Variants in PLPPR4 observed in about 807,000 individuals in gnomAD.
PLPPR4 encodes phospholipid phosphatase-related protein type 4.
Under a neutral mutation model 56.6 loss-of-function variants are expected in PLPPR4, and 24 were observed. The observed-to-expected ratio is 0.42, with a 90% CI of 0.31 to 0.60. The LOEUF is 0.60. Among genes scored for constraint, PLPPR4 ranks in the 20% least tolerant of loss-of-function variants. The probability of loss-of-function intolerance (pLI) is 0.13; values close to 1 mark genes in which losing one functional copy is unlikely to be tolerated. For missense variants in PLPPR4, 654 were observed against 885.8 expected (o/e 0.74, Z 3.32); for synonymous variants, 326 against 328.1 (o/e 0.99, Z 0.07).
At chr1:99,268,808 T>C (rs532235797) in intron 1 of PLPPR4, among the ~76,000 whole-genome samples, 12 of 152,290 alleles carry the variant, frequency 7.9e-5, no homozygotes, top group African/African-American at 2.6e-4. Flanking sequence ...AATGTTCCAC[T>C]AGAGAAAAGG....
In PLPPR4 at chr1:99,285,919, T is replaced by C. The variant is rs1398343939; in HGVS notation, c.79-2046T>C. 2.0e-5 allele frequency among the ~76,000 whole-genome samples: 3 copies of C among 152,218 alleles called. 1 individual carries two copies. The highest frequency in any genetic ancestry group is 4.4e-5 in the Non-Finnish European group (3 of 68,030). ...TAGGTTAAGCATGTGTGATATTTTC[T>C]CTTTAGCTGAGAGCAGGTCTCTCAC... On this transcript the variant is annotated intron_variant, in intron 1 of 6. Coordinates refer to ENST00000370185, the MANE Select transcript of PLPPR4 (RefSeq NM_014839.5).
At chr1:99,274,805 G>A (rs1659141384) in intron 1 of PLPPR4, among the ~76,000 whole-genome samples, 1 of 152,068 alleles carries the variant, frequency 6.6e-6, no homozygotes, top group South Asian at 2.1e-4. Flanking sequence ...GTAAGCCACT[G>A]CCATTCTTAT....
At chr1:99,296,891 A>T (rs769635326) in intron 3 of PLPPR4, 24 bp downstream of exon 3, 1 of 1,511,916 alleles carries the variant, frequency 6.6e-7, no homozygotes, top group Admixed American at 2.1e-5. Flanking sequence ...ACCACAAAGA[A>T]AAGAAATGCT....
At chr1:99,283,156 G>C (rs1164119158) in intron 1 of PLPPR4, among the ~76,000 whole-genome samples, 1 of 151,978 alleles carries the variant, frequency 6.6e-6, no homozygotes, top group Non-Finnish European at 1.5e-5. Flanking sequence ...TGAATAAATG[G>C]ATGAGGCACC....
At chr1:99,283,575 T>C (rs541749548) in intron 1 of PLPPR4, among the ~76,000 whole-genome samples, 4 of 152,328 alleles carry the variant, frequency 2.6e-5, no homozygotes, top group African/African-American at 7.2e-5. Context: ...ATGGTAATTA[T>C]AAGAATCAGT....
At chr1:99,305,188 C>T (rs1281380082) in intron 6 of PLPPR4, among the ~76,000 whole-genome samples, 4 of 152,080 alleles carry the variant, frequency 2.6e-5, no homozygotes, top group Admixed American at 2.0e-4. Context: ...TAACATATGT[C>T]TCCGACCTTC....
intron 3 of PLPPR4, among the ~76,000 whole-genome samples, chr1:99,297,178 C>A (rs1390662768): frequency 1.3e-5 from 2 of 152,066 alleles, no homozygotes; most frequent in African/African-American, 4.8e-5. Flanking sequence ...GTCAGTTTTT[C>A]AAAATGGAGA....
In PLPPR4 at chr1:99,308,599, T is replaced by C. The variant is rs1660107186; in HGVS notation, c.*1589T>C. The C allele has an allele frequency of 6.6e-6, 1 of 152,636 alleles. No individual in the cohort carries two copies. The highest frequency in any genetic ancestry group is 2.4e-5 in the African/African-American group (1 of 41,448). 9.5% of individuals were successfully genotyped at this position (152,636 alleles called of 1,614,324 possible). A position where few individuals can be genotyped will look rare whatever the true frequency, so the allele number is the denominator to read the frequency against. On this transcript the variant is annotated 3_prime_UTR_variant, in exon 7 of 7. Coordinates refer to ENST00000370185, the MANE Select transcript of PLPPR4 (RefSeq NM_014839.5). Reference sequence around the variant, plus strand: ...ACAACAGAGATGGTTGATCTGATCTTAGCTCACTTTCCAATAACAGAAGGA... The same window carrying C: ...ACAACAGAGATGGTTGATCTGATCTCAGCTCACTTTCCAATAACAGAAGGA...
At chr1:99,266,059 G>A (rs1472992902) in intron 1 of PLPPR4, among the ~76,000 whole-genome samples, 1 of 152,134 alleles carries the variant, frequency 6.6e-6, no homozygotes, top group Non-Finnish European at 1.5e-5. Flanking sequence ...ACATGGTTTA[G>A]GTAATTTTTG....
rs1243413580 is a variant in PLPPR4 at position 99,307,856 on chromosome 1, T to C, written c.*846T>C. 6.6e-6 allele frequency: 1 copy of C among 152,232 alleles called. No homozygotes were observed. Among genetic ancestry groups the C allele is most frequent in the Non-Finnish European group, 1.5e-5 (1 of 68,032 alleles). 9.4% of individuals were successfully genotyped at this position (152,232 alleles called of 1,614,324 possible). A position where few individuals can be genotyped will look rare whatever the true frequency, so the allele number is the denominator to read the frequency against. On this transcript the variant is annotated 3_prime_UTR_variant, in exon 7 of 7. Coordinates refer to ENST00000370185, the MANE Select transcript of PLPPR4 (RefSeq NM_014839.5). The stretch of plus-strand genomic sequence containing the variant: ...TATTATTTTAGAGAATCTTTTGAAA[T>C]TGTTGTGATCATATTTTGCTTTCTA...
In PLPPR4 at chr1:99,264,503, C is replaced by T. The variant is rs771350481; in HGVS notation, c.-91C>T. 1.3e-6 allele frequency: 2 copies of T among 1,542,284 alleles called. No homozygotes were observed. Among genetic ancestry groups the T allele is most frequent in the African/African-American group, 1.4e-5 (1 of 72,978 alleles). ...GCGGGGAATGTGACATCAGCGGCGCCGGGCGCTTGGGGCTGGAGGAGGCAG... is the reference window on the plus strand; with the variant it reads ...GCGGGGAATGTGACATCAGCGGCGCTGGGCGCTTGGGGCTGGAGGAGGCAG... On this transcript the variant is annotated 5_prime_UTR_variant, in exon 1 of 7. Coordinates refer to ENST00000370185, the MANE Select transcript of PLPPR4 (RefSeq NM_014839.5).
intron 2 of PLPPR4, among the ~76,000 whole-genome samples, chr1:99,292,924 C>G (rs72980838): frequency 6.6e-6 from 1 of 152,202 alleles, no homozygotes; most frequent in African/African-American, 2.4e-5. Flanking sequence ...AACTCCTTTC[C>G]CTCTCTCTTC....
chr1:99,273,563 A>T (rs1659110546), intron 1 of PLPPR4, among the ~76,000 whole-genome samples: 1 of 152,124 alleles, frequency 6.6e-6, no homozygotes, highest in African/African-American at 2.4e-5. Context: ...AGAGTCCAAA[A>T]GAGACTGATC....
chr1:99,279,909 C>A (rs958918099), intron 1 of PLPPR4, among the ~76,000 whole-genome samples: 1 of 152,078 alleles, frequency 6.6e-6, no homozygotes, highest in African/African-American at 2.4e-5. Flanking sequence ...CTTTTTAGGT[C>A]TAAGTACATA....
At chr1:99,264,198 G>C (rs1161096826), upstream of PLPPR4, 3 of 528,628 alleles carry the variant, frequency 5.7e-6, no homozygotes, top group Non-Finnish European at 9.9e-6. Flanking sequence ...GAAACCAGGA[G>C]TGCGTCCTCC....
intron 2 of PLPPR4, among the ~76,000 whole-genome samples, chr1:99,289,978 T>C (rs75935895): frequency 0.046 from 7,035 of 152,110 alleles, 230 homozygotes; most frequent in East Asian, 0.14. Flanking sequence ...TGGATTCAAA[T>C]AGGAAGAGAA....
intron 1 of PLPPR4, among the ~76,000 whole-genome samples, chr1:99,272,233 C>T (rs11802242): frequency 0.058 from 8,808 of 151,748 alleles, 447 homozygotes; most frequent in African/African-American, 0.13. Flanking sequence ...GAACATATGG[C>T]CTCACTGTTT....
chr1:99,306,788 T>C lies in PLPPR4; in HGVS notation c.1926T>C (p.Ile642=). The C allele has an allele frequency of 6.2e-7, 1 of 1,613,974 alleles. No homozygotes were observed. Among genetic ancestry groups the C allele is most frequent in the South Asian group, 1.1e-5 (1 of 91,068 alleles). Reference sequence around the variant, plus strand: ...CTGGAGATCGCAAGAGAAGCAACATTGATAGCAATGAGCATCACCACCACG... The same window carrying C: ...CTGGAGATCGCAAGAGAAGCAACATCGATAGCAATGAGCATCACCACCACG... The part of the protein sequence containing the change: ...FGSGDRKRSN[I]DSNEHHHHGI... Residue 642 remains isoleucine (I), a synonymous_variant, in exon 7 of 7, where the codon ATT becomes ATC. Coordinates refer to ENST00000370185, the MANE Select transcript of PLPPR4 (RefSeq NM_014839.5). The surrounding 1 kb of genome is among the most constrained non-coding windows in gnomAD (Gnocchi z 4.0).
intron 1 of PLPPR4, among the ~76,000 whole-genome samples, chr1:99,272,801 T>C (rs993788174): frequency 6.6e-5 from 10 of 152,252 alleles, no homozygotes; most frequent in African/African-American, 2.4e-4. Context: ...TTTTCCCTTA[T>C]ACTTCAATGT....
Sources: gnomAD v4.1 joint callset for allele counts (sites outside exome capture counted in the v4.1 genomes callset) on GRCh38, gnomAD v4.1.1 for gene constraint, Gnocchi (gnomAD v3.1) non-coding constraint, MANE v1.5 for transcripts, NCBI Gene and HGNC (gene_info 2026-07-23, HGNC 2026-07-21) for gene names.